LRP1B: variants seen among roughly 807,000 people sequenced by gnomAD.
The protein encoded by LRP1B is LDL receptor related protein 1B, also known as low-density lipoprotein receptor-related protein 1B.
A neutral mutation model predicts 556.6 loss-of-function variants in LRP1B; 217 were observed. The ratio of observed to expected loss-of-function variants is 0.39; its 90% CI spans 0.35 to 0.44. The LOEUF (loss-of-function observed/expected upper bound fraction) is 0.44, where lower values mean the gene tolerates loss of function less well. Among genes scored for constraint, LRP1B ranks in the 20% least tolerant of loss-of-function variants. The pLI, the probability that LRP1B is intolerant of heterozygous loss-of-function variation, is 1.00. For missense variants in LRP1B, 5,053 were observed against 5,620.8 expected, an observed-to-expected ratio of 0.90 and a Z score of 3.23; for synonymous variants, 2,047 against 1,865.8, an observed-to-expected ratio of 1.10 and a Z score of -2.50.
intron 3 of LRP1B, among the ~76,000 whole-genome samples, chr2:141,444,426 C>T (rs951797157): frequency 4.0e-5 from 6 of 151,828 alleles, no homozygotes; most frequent in Non-Finnish European, 7.4e-5. Context: ...CTTTCTTTCA[C>T]TTGCCTGATT....
chr2:142,034,395 C>T (rs1427258013), intron 1 of LRP1B, among the ~76,000 whole-genome samples: 1 of 151,636 alleles, frequency 6.6e-6, no homozygotes, highest in Non-Finnish European at 1.5e-5. Flanking sequence ...CTGATCATTC[C>T]CTAAATATGC....
At chr2:141,383,705 T>C (rs1292271666) in intron 3 of LRP1B, among the ~76,000 whole-genome samples, 1 of 152,196 alleles carries the variant, frequency 6.6e-6, no homozygotes, top group Admixed American at 6.5e-5. Flanking sequence ...CCATTTGCAA[T>C]AACATAGATG....
chr2:140,458,984 C>A (rs1429915292), intron 60 of LRP1B, among the ~76,000 whole-genome samples: 3 of 151,912 alleles, frequency 2.0e-5, no homozygotes, highest in African/African-American at 4.8e-5. Context: ...GCTAGAAATT[C>A]ATCTCAGAAC....
At chr2:141,672,672 T>A (rs1267724994) in intron 2 of LRP1B, among the ~76,000 whole-genome samples, 1 of 152,164 alleles carries the variant, frequency 6.6e-6, no homozygotes, top group Non-Finnish European at 1.5e-5. Context: ...ACCTGTGGAA[T>A]GACTAGGGAA....
At chr2:140,430,686 T>C (rs972103179) in intron 66 of LRP1B, among the ~76,000 whole-genome samples, 4 of 152,192 alleles carry the variant, frequency 2.6e-5, no homozygotes, top group African/African-American at 7.2e-5. Flanking sequence ...CCTTTCAGCC[T>C]CACAGGCCCA....
At chr2:140,882,351 T>C (rs1173571315) in intron 25 of LRP1B, among the ~76,000 whole-genome samples, 1 of 152,146 alleles carries the variant, frequency 6.6e-6, no homozygotes, top group Admixed American at 6.6e-5. Context: ...GCAGGCTTTT[T>C]CATGATCAAT....
chr2:141,752,695 A>T (rs534262008), intron 2 of LRP1B, among the ~76,000 whole-genome samples: 1 of 151,282 alleles, frequency 6.6e-6, no homozygotes, highest in Admixed American at 6.6e-5. Flanking sequence ...GATGGTAAGG[A>T]GGGTGGGGAG....
intron 1 of LRP1B, among the ~76,000 whole-genome samples, chr2:141,865,506 G>C (rs1698380847): frequency 6.8e-6 from 1 of 147,722 alleles, no homozygotes; most frequent in Admixed American, 6.7e-5. Flanking sequence ...GCAGGAGAAT[G>C]GCGTGAACCC....
intron 11 of LRP1B, among the ~76,000 whole-genome samples, chr2:141,029,918 A>G (rs1221240878): frequency 6.6e-6 from 1 of 152,110 alleles, no homozygotes; most frequent in African/African-American, 2.4e-5. Flanking sequence ...ACCTCTATCT[A>G]CTAGATTCCA....
At position 141,702,406 on chromosome 2, in the gene LRP1B, T is replaced by C. The variant is rs1691973275; in HGVS notation, c.205+107873A>G. Among the ~76,000 whole-genome samples, 3 of 152,010 alleles carry C rather than the reference T, an allele frequency of 2.0e-5. No homozygotes were observed. In the South Asian group the frequency reaches 6.2e-4, roughly 31 times the overall value. On this transcript the variant is annotated intron_variant, in intron 2 of 90. Transcript: ENST00000389484. ...TGTCCCCTGGGGATAGGTCCCAAGG[T>C]AGCTAGGGCACATGCTTTTAAAAAT...
At chr2:140,949,177 C>T (rs1223006834) in intron 20 of LRP1B, among the ~76,000 whole-genome samples, 2 of 152,140 alleles carry the variant, frequency 1.3e-5, no homozygotes, top group African/African-American at 2.4e-5. Context: ...TGAGCAGATG[C>T]CATATGTTTT....
chr2:140,801,575 C>T (rs1170776125), intron 32 of LRP1B, among the ~76,000 whole-genome samples: 4 of 97,662 alleles, frequency 4.1e-5, no homozygotes, highest in Non-Finnish European at 9.6e-5. Flanking sequence ...TTTAACAAAT[C>T]TTACTAATTT....
At chr2:141,704,942 C>T (rs1692082921) in intron 2 of LRP1B, among the ~76,000 whole-genome samples, 1 of 151,964 alleles carries the variant, frequency 6.6e-6, no homozygotes, top group Non-Finnish European at 1.5e-5. Context: ...ATCCTCTTTT[C>T]TCAAAGCTGT....
At chr2:140,371,364 A>G (rs1682985981) in intron 69 of LRP1B, 79 bp from the exon 70 acceptor site, 1 of 599,308 alleles carries the variant, frequency 1.7e-6, no homozygotes, top group African/African-American at 1.9e-5. Context: ...ACACATAAAT[A>G]TATGAATTTA....
At chr2:140,620,753 A>G (rs1165275960) in intron 41 of LRP1B, among the ~76,000 whole-genome samples, 2 of 152,094 alleles carry the variant, frequency 1.3e-5, no homozygotes. Context: ...TGAATAATAT[A>G]TTTGAGAGAA....
Position 142,016,765 on chromosome 2 carries a change from G to A in LRP1B, c.82+113883C>T, listed in dbSNP as rs868782088. Among the ~76,000 whole-genome samples the A allele has an allele frequency of 3.3e-5, 5 of 151,254 alleles. No homozygotes were observed. The South Asian group carries it at 6.3e-4, about 19-fold the overall frequency. On this transcript the variant is annotated intron_variant, in intron 1 of 90. Coordinates refer to ENST00000389484, the MANE Select transcript of LRP1B (RefSeq NM_018557.3). ...TGGGTGCAGCAAACCACCATGGCAC[G>A]TGTATACCTATGTAACAAACCTGCA...
intron 86 of LRP1B, among the ~76,000 whole-genome samples, chr2:140,252,233 G>C (rs1456952046): frequency 6.6e-6 from 1 of 151,258 alleles, no homozygotes; most frequent in African/African-American, 2.4e-5. Context: ...AATTTTAAAA[G>C]TCTTAGATGA....
intron 60 of LRP1B, among the ~76,000 whole-genome samples, chr2:140,463,849 T>C (rs1201906858): frequency 6.6e-6 from 1 of 152,108 alleles, no homozygotes; most frequent in Non-Finnish European, 1.5e-5. Context: ...CTTAGTATAG[T>C]AGTTTATACT....
At chr2:140,414,296 CAATTAAAT>C (rs1685086397) in intron 66 of LRP1B, among the ~76,000 whole-genome samples, 1 of 152,064 alleles carries the variant, frequency 6.6e-6, no homozygotes, top group Non-Finnish European at 1.5e-5. Flanking sequence ...TCCCTAAAGG[CAATTAAAT>C]CATAGTTATT....
Sources: allele counts gnomAD v4.1 joint callset (sites outside exome capture counted in the v4.1 genomes callset), GRCh38; gene constraint gnomAD v4.1.1; transcripts MANE v1.5; gene names NCBI Gene and HGNC (gene_info 2026-07-23, HGNC 2026-07-21).